Variants in MAP3K13 observed in about 807,000 individuals in gnomAD.
MAP3K13 encodes mitogen-activated protein kinase kinase kinase 13, also known as leucine zipper-bearing kinase.
Under a neutral mutation model 104.0 loss-of-function variants are expected in MAP3K13, and 52 were observed. The observed-to-expected ratio is 0.50, with a 90% CI of 0.40 to 0.63. The LOEUF (loss-of-function observed/expected upper bound fraction) is 0.63. MAP3K13 is among the 20% of genes least tolerant of loss of function. The pLI is 0.00. For synonymous variants in MAP3K13, 394 were observed against 442.2 expected, an observed-to-expected ratio of 0.89 and a Z score of 1.37; for missense variants, 914 against 1,218.5, an observed-to-expected ratio of 0.75 and a Z score of 3.72.
intron 9 of MAP3K13, 33 bp from the exon 10 acceptor site, chr3:185,466,793 G>T: frequency 1.2e-6 from 2 of 1,613,484 alleles, no homozygotes; most frequent in South Asian, 2.2e-5. Flanking sequence ...TGTCTGCAAT[G>T]ACTGAGGTGT....
chr3:185,306,058 C>A (rs1721279848), intron 2 of MAP3K13, among the ~76,000 whole-genome samples: 1 of 152,192 alleles, frequency 6.6e-6, no homozygotes, highest in Non-Finnish European at 1.5e-5. Context: ...TGTGTTAATT[C>A]TCTTAGCATA....
chr3:185,297,871 CTA>C (rs921526056), intron 2 of MAP3K13, among the ~76,000 whole-genome samples: 104 of 149,590 alleles, frequency 7.0e-4, no homozygotes, highest in Admixed American at 7.3e-4. Context: ...AAAATAAGAG[CTA>C]CTCTCTCTCT....
At chr3:185,407,450 A>G (rs1052678518) in intron 1 of MAP3K13, among the ~76,000 whole-genome samples, 1 of 152,240 alleles carries the variant, frequency 6.6e-6, no homozygotes, top group Non-Finnish European at 1.5e-5. Flanking sequence ...ATAGAACGTT[A>G]TAACTATAAA....
At chr3:185,284,692 C>A (rs1015406169) in intron 1 of MAP3K13, among the ~76,000 whole-genome samples, 1 of 150,178 alleles carries the variant, frequency 6.7e-6, no homozygotes, top group African/African-American at 2.5e-5. Flanking sequence ...CCAGCCTGGG[C>A]GACAGAGTTA....
intron 2 of MAP3K13, among the ~76,000 whole-genome samples, chr3:185,435,702 C>G (rs1714991884): frequency 6.6e-6 from 1 of 152,134 alleles, no homozygotes; most frequent in African/African-American, 2.4e-5. Flanking sequence ...ATACTTTTTG[C>G]TCTATGTAGT....
chr3:185,395,840 G>A (rs964492463), intron 1 of MAP3K13, among the ~76,000 whole-genome samples: 12 of 151,658 alleles, frequency 7.9e-5, no homozygotes, highest in Non-Finnish European at 1.6e-4. Flanking sequence ...ACGCATGCTC[G>A]GTGAATTTTG....
chr3:185,344,924 C>T (rs1022681289), intron 2 of MAP3K13, among the ~76,000 whole-genome samples: 27 of 151,846 alleles, frequency 1.8e-4, no homozygotes, highest in South Asian at 4.2e-4. Context: ...CTCTGTCTCC[C>T]AGGCTGGAGT....
chr3:185,357,502 A>T (rs1723419292), intron 2 of MAP3K13, among the ~76,000 whole-genome samples: 1 of 151,792 alleles, frequency 6.6e-6, no homozygotes, highest in Non-Finnish European at 1.5e-5. Context: ...AAGTAGTATG[A>T]ATTCTATGTG....
At chr3:185,420,136 T>C (rs1390065611) in intron 1 of MAP3K13, among the ~76,000 whole-genome samples, 2 of 152,098 alleles carry the variant, frequency 1.3e-5, no homozygotes, top group Non-Finnish European at 2.9e-5. Flanking sequence ...TTTGAATGCA[T>C]AATTGTTTCA....
At chr3:185,359,053 C>T (rs549648438), upstream of MAP3K13, among the ~76,000 whole-genome samples, 9 of 152,154 alleles carry the variant, frequency 5.9e-5, no homozygotes, top group East Asian at 3.9e-4. Context: ...TCTGTTTTCA[C>T]GCTGATGATA....
At chr3:185,400,610 G>A (rs1033087497) in intron 1 of MAP3K13, among the ~76,000 whole-genome samples, 1 of 152,168 alleles carries the variant, frequency 6.6e-6, no homozygotes, top group Non-Finnish European at 1.5e-5. Context: ...GTAGCAAATC[G>A]GATGGGTGCT....
chr3:185,456,557 G>A (rs1450943735), intron 7 of MAP3K13, among the ~76,000 whole-genome samples: 3 of 149,136 alleles, frequency 2.0e-5, no homozygotes, highest in African/African-American at 2.5e-5. Context: ...GAAATCTTTC[G>A]AACTTTAAGA....
At chr3:185,331,784 CTAT>C (rs1401936659) in intron 2 of MAP3K13, among the ~76,000 whole-genome samples, 2 of 152,184 alleles carry the variant, frequency 1.3e-5, no homozygotes, top group Non-Finnish European at 2.9e-5. Context: ...CAAACCACGG[CTAT>C]TATTTTTCCA....
intron 1 of MAP3K13, among the ~76,000 whole-genome samples, chr3:185,415,494 T>C (rs968132781): frequency 6.6e-6 from 1 of 152,024 alleles, no homozygotes; most frequent in African/African-American, 2.4e-5. Flanking sequence ...GCATAAGCAA[T>C]GTTTTCCTAG....
chr3:185,290,611 G>A (rs1474201951), intron 2 of MAP3K13, among the ~76,000 whole-genome samples: 1 of 152,134 alleles, frequency 6.6e-6, no homozygotes, highest in Non-Finnish European at 1.5e-5. Context: ...GAGAGCCCAA[G>A]TTTGAATCCT....
intron 6 of MAP3K13, 99 bp from the exon 7 acceptor site, chr3:185,451,188 C>A: frequency 1.3e-6 from 1 of 765,092 alleles, no homozygotes; most frequent in Non-Finnish European, 2.2e-6. Context: ...TCAGATATAG[C>A]CATTTTGAAG....
chr3:185,468,095 C>T (rs1156663248), intron 10 of MAP3K13, among the ~76,000 whole-genome samples: 1 of 152,094 alleles, frequency 6.6e-6, no homozygotes, highest in Non-Finnish European at 1.5e-5. Flanking sequence ...TCATGAGAAA[C>T]TGCCCCCATG....
chr3:185,416,199 C>T lies in MAP3K13; in HGVS notation c.-85-12298C>T, dbSNP rs553998874. Among the ~76,000 whole-genome samples the T allele has an allele frequency of 5.9e-5, 9 of 152,184 alleles. No individual in the cohort carries two copies. The South Asian group carries it at 1.9e-3, about 32-fold the overall frequency. ...GCCTCAGTTTCTATATATATCAACC[C>T]GTTCCCCTCTTCTTAGCTCTCTTTT... On this transcript the variant is annotated intron_variant, in intron 1 of 13. Transcript: ENST00000265026.
At chr3:185,377,873 G>T (rs1204825025) in intron 1 of MAP3K13, among the ~76,000 whole-genome samples, 1 of 152,256 alleles carries the variant, frequency 6.6e-6, no homozygotes, top group Non-Finnish European at 1.5e-5. Context: ...GGGAGTGGCT[G>T]CCGGGCGAGT....
Sources: gnomAD v4.1 joint callset for allele counts (sites outside exome capture counted in the v4.1 genomes callset) on GRCh38, gnomAD v4.1.1 for gene constraint, MANE v1.5 for transcripts, NCBI Gene and HGNC (gene_info 2026-07-23, HGNC 2026-07-21) for gene names.